ANKS3: variants seen among roughly 807,000 people sequenced by gnomAD.
ANKS3 encodes ankyrin repeat and sterile alpha motif domain containing 3.
A neutral mutation model predicts 80.7 loss-of-function variants in ANKS3; 62 were observed. The ratio of observed to expected loss-of-function variants is 0.77; its 90% CI spans 0.63 to 0.95. The LOEUF (loss-of-function observed/expected upper bound fraction) is 0.95. ANKS3 is among the 40% of genes least tolerant of loss of function. ANKS3 has a pLI of 0.00. For missense variants in ANKS3, 1,150 were observed against 883.6 expected (o/e 1.30, Z -3.82); for synonymous variants, 489 against 355.3 (o/e 1.38, Z -4.23).
At position 4,697,961 on chromosome 16, in the gene ANKS3, A is replaced by G. The variant is rs1354233944; in HGVS notation, c.1810+16T>C. ...CTTCCCCTCTGCCCAGTGCGGAGTCAGGCCACTGCTCTTACCAGCTGGGGG... is the reference window on the plus strand; with the variant it reads ...CTTCCCCTCTGCCCAGTGCGGAGTCGGGCCACTGCTCTTACCAGCTGGGGG... On this transcript the variant is annotated intron_variant, in intron 15 of 17. Coordinates refer to ENST00000304283, the MANE Select transcript of ANKS3 (RefSeq NM_133450.4). 10 of 1,564,370 alleles carry G rather than the reference A, an allele frequency of 6.4e-6. 1 individual carries two copies. In the South Asian group the frequency reaches 1.2e-4, roughly 19 times the overall value.
At chr16:4,705,899 T>C (rs2142052817) in intron 7 of ANKS3, among the ~76,000 whole-genome samples, 1 of 152,022 alleles carries the variant, frequency 6.6e-6, no homozygotes, top group Non-Finnish European at 1.5e-5. Context: ...ACAACTACTT[T>C]TTCCTAATCC....
rs370919758 is a variant in ANKS3 at position 4,698,018 on chromosome 16, G to A, written c.1769C>T (p.Pro590Leu). Residue 590 changes from proline (P) to leucine (L), a missense_variant, in exon 15 of 18, where the codon CCC becomes CTC. Transcript: ENST00000304283. ...TAGGCCCAGAGTGGCTGCACCAGGG[G>A]GCTGGTCCTGCCTCACTCGAGATGA... is the stretch of plus-strand genomic sequence containing the variant. ...ELSSRVRQDQ[P>L]PGAATLGLAV... 8.1e-6 allele frequency: 13 copies of A among 1,608,166 alleles called. No individual in the cohort carries two copies. Among genetic ancestry groups the A allele is most frequent in the South Asian group, 2.2e-5 (2 of 90,108 alleles).
At chr16:4,722,388 G>A (rs1452457335) in intron 6 of ANKS3, among the ~76,000 whole-genome samples, 1 of 151,660 alleles carries the variant, frequency 6.6e-6, no homozygotes, top group African/African-American at 2.4e-5. Context: ...AGACCATCCT[G>A]GCTAACACGG....
chr16:4,718,605 C>T (rs1480085624), intron 6 of ANKS3, among the ~76,000 whole-genome samples: 2 of 152,192 alleles, frequency 1.3e-5, no homozygotes, highest in Non-Finnish European at 2.9e-5. Context: ...CCGGGTGGGC[C>T]CCCTCCTCTG....
chr16:4,703,545 C>T (rs1341215920), intron 8 of ANKS3, among the ~76,000 whole-genome samples: 3 of 151,926 alleles, frequency 2.0e-5, no homozygotes, highest in Non-Finnish European at 4.4e-5. Flanking sequence ...CTCAGCCTCC[C>T]GAGTAGCTGG....
At chr16:4,701,235 C>T (rs1175662522) in intron 10 of ANKS3, 101 bp from the exon 11 acceptor site, 4 of 1,536,250 alleles carry the variant, frequency 2.6e-6, no homozygotes, top group East Asian at 2.3e-5. Context: ...CTTCGTGAAA[C>T]CCCCCACCCG....
At chr16:4,726,562 TG>T in intron 5 of ANKS3, 96 bp downstream of exon 5, 1 of 1,339,440 alleles carries the variant, frequency 7.5e-7, no homozygotes, top group Non-Finnish European at 1.0e-6. Flanking sequence ...CGAAGCAGGG[TG>T]GCCCTAAACT....
chr16:4,698,675 G>T (rs1028438175), intron 13 of ANKS3, 76 bp from the exon 14 acceptor site: 6 of 1,525,672 alleles, frequency 3.9e-6, no homozygotes, highest in Non-Finnish European at 5.3e-6. Context: ...GCCCTGTCCT[G>T]TGTGTGGGGC....
chr16:4,721,617 G>T (rs1001573617), intron 6 of ANKS3, among the ~76,000 whole-genome samples: 11 of 89,846 alleles, frequency 1.2e-4, no homozygotes, highest in African/African-American at 3.3e-4. Flanking sequence ...TCTCTTTATT[G>T]ATTTATTGAT....
At position 4,697,378 on chromosome 16, in the gene ANKS3, G is replaced by A; in HGVS notation, c.1849C>T (p.Leu617Phe). Residue 617 changes from leucine (L) to phenylalanine (F), a missense_variant, in exon 16 of 18, where the codon CTC (leucine) becomes TTC (phenylalanine). By Grantham distance (22) the Leu-to-Phe change is conservative. Transcript: ENST00000304283. ...TCCAGGGCTCCCGAGAGCTCGGGGA[G>A]GCTCATGGCCTGCAGGGACGCTTGC... Reference protein sequence around the residue: ...GWQASLQAMSLPELSGALEDR... With the variant: ...GWQASLQAMSFPELSGALEDR... The A allele has an allele frequency of 1.9e-6, 3 of 1,610,504 alleles. No individual in the cohort carries two copies. The highest frequency in any genetic ancestry group is 1.1e-5 in the South Asian group (1 of 90,980).
intron 14 of ANKS3, 38 bp downstream of exon 14, chr16:4,698,389 A>T (rs1210686317): frequency 1.4e-6 from 2 of 1,447,946 alleles, no homozygotes; most frequent in East Asian, 5.0e-5. Context: ...GTGGCTGACC[A>T]CTGGAGACCC....
At chr16:4,730,749 G>T (rs575971453) in intron 2 of ANKS3, among the ~76,000 whole-genome samples, 4 of 152,200 alleles carry the variant, frequency 2.6e-5, no homozygotes, top group Admixed American at 2.0e-4. Flanking sequence ...CTACTCGGGA[G>T]GCTGAGGTAG....
chr16:4,712,040 C>G (rs113348415), intron 7 of ANKS3, among the ~76,000 whole-genome samples: 1 of 152,188 alleles, frequency 6.6e-6, no homozygotes, highest in African/African-American at 2.4e-5. Context: ...GAAGTAAACA[C>G]TGATACCCAT....
chr16:4,713,435 AC>A (rs1385374120), intron 7 of ANKS3, among the ~76,000 whole-genome samples: 1 of 152,152 alleles, frequency 6.6e-6, no homozygotes, highest in Non-Finnish European at 1.5e-5. Context: ...AATAATTAAT[AC>A]CCTGAGAGTT....
Position 4,701,678 on chromosome 16 carries a change from C to T in ANKS3, c.1010-135G>A, listed in dbSNP as rs1055456596. 1.1e-5 allele frequency: 8 copies of T among 703,268 alleles called. No homozygotes were observed. The African/African-American group carries it at 1.4e-4, about 13-fold the overall frequency. The allele number at this position is 703,268 out of a possible 1,614,324, so 43.6% of individuals were successfully genotyped here. On this transcript the variant is annotated intron_variant, in intron 9 of 17. Transcript: ENST00000304283. ...GGTTGCTTCCTTATATTTCAAACTT[C>T]CTGCCTGTCCTAAACCCTCCCCTCT...
At chr16:4,697,824 T>C (rs1028616824) in intron 15 of ANKS3, among the ~76,000 whole-genome samples, 153 bp downstream of exon 15, 1 of 152,098 alleles carries the variant, frequency 6.6e-6, no homozygotes, top group African/African-American at 2.4e-5. Context: ...CAGGGCCCCC[T>C]CTTTTCCTTG....
At position 4,701,022 on chromosome 16, in the gene ANKS3, A is replaced by G. The variant is rs369241127; in HGVS notation, c.1232T>C (p.Phe411Ser). Reference protein sequence around the residue: ...PPRAATDREGFLAESSPQTQR... With the variant: ...PPRAATDREGSLAESSPQTQR... ...AGTCTGGGGGCTGGACTCAGCGAGA[A>G]AGCCTTCCCTGTCAGTTGCAGCGCG... is the stretch of plus-strand genomic sequence containing the variant. The change falls in exon 11 of 18, where the codon TTT becomes TCT. Residue 411 changes from phenylalanine (F) to serine (S), a missense_variant. Transcript: ENST00000304283. 280 of 1,613,904 alleles carry G rather than the reference A, an allele frequency of 1.7e-4. No individual in the cohort carries two copies. The highest frequency in any genetic ancestry group is 2.2e-4 in the Non-Finnish European group (256 of 1,179,994).
intron 17 of ANKS3, 27 bp from the exon 18 acceptor site, chr16:4,696,923 G>T: frequency 1.7e-6 from 2 of 1,148,296 alleles, no homozygotes; most frequent in South Asian, 1.3e-5. Context: ...CGGTGAGAAG[G>T]GAGGGGGACA....
In ANKS3 at chr16:4,726,790, AACACAGAACGTGCG is replaced by A; in HGVS notation, c.370-24_370-11del. 1 of 1,611,194 alleles carries A rather than the reference AACACAGAACGTGCG, an allele frequency of 6.2e-7. No homozygotes were observed. Among genetic ancestry groups the A allele is most frequent in the Non-Finnish European group, 8.5e-7 (1 of 1,177,662 alleles). On this transcript the variant is annotated splice_polypyrimidine_tract_variant and intron_variant, in intron 4 of 17. Transcript: ENST00000304283. ...CTAGCTCTGCACCTTGCTTCAAGAG[AACACAGAACGTGCG>A]TTACGGCCTCATCTCCTCTGCGTGG...
Sources: allele counts gnomAD v4.1 joint callset (sites outside exome capture counted in the v4.1 genomes callset), GRCh38; gene constraint gnomAD v4.1.1; transcripts MANE v1.5; gene names NCBI Gene and HGNC (gene_info 2026-07-23, HGNC 2026-07-21).